The following SCEL variants were observed in gnomAD, a reference collection of about 807,000 sequenced individuals.
SCEL encodes sciellin.
Under a neutral mutation model 117.6 loss-of-function variants are expected in SCEL, and 113 were observed. The ratio of observed to expected loss-of-function variants is 0.96; its 90% CI spans 0.83 to 1.12. The LOEUF (loss-of-function observed/expected upper bound fraction) is 1.12, where lower values mean the gene tolerates loss of function less well. Among genes scored for constraint, SCEL ranks in the 50% most tolerant of loss-of-function variants. SCEL has a pLI of 0.00. For synonymous variants in SCEL, 270 were observed against 256.2 expected (o/e 1.05, Z -0.51); for missense variants, 785 against 810.8 (o/e 0.97, Z 0.39).
chr13:77,590,196 G>A (rs2086791907), intron 10 of SCEL, among the ~76,000 whole-genome samples: 1 of 152,028 alleles, frequency 6.6e-6, no homozygotes, highest in Non-Finnish European at 1.5e-5. Flanking sequence ...CAGTTACAAA[G>A]TTTTGACTGG....
chr13:77,610,285 T>C (rs1360560187), intron 22 of SCEL, among the ~76,000 whole-genome samples, 179 bp downstream of exon 22: 2 of 151,950 alleles, frequency 1.3e-5, no homozygotes, highest in African/African-American at 2.4e-5. Context: ...ACCCTGTCTC[T>C]ACTAAAAATA....
At chr13:77,643,167 T>G (rs1445797803) in intron 32 of SCEL, among the ~76,000 whole-genome samples, 2 of 152,164 alleles carry the variant, frequency 1.3e-5, no homozygotes, top group Non-Finnish European at 2.9e-5. Context: ...TATTGTATAA[T>G]TTTTAACTAA....
intron 9 of SCEL, among the ~76,000 whole-genome samples, chr13:77,586,514 C>T (rs1405275061): frequency 9.2e-5 from 14 of 152,108 alleles, no homozygotes; most frequent in Admixed American, 9.2e-4. Flanking sequence ...CCACAGCCCC[C>T]ATTGTAACCC....
At chr13:77,565,289 C>G (rs1455190373) in intron 5 of SCEL, among the ~76,000 whole-genome samples, 2 of 151,876 alleles carry the variant, frequency 1.3e-5, no homozygotes, top group African/African-American at 4.8e-5. Flanking sequence ...ACCCCTCACT[C>G]CCCAAATTCT....
At chr13:77,545,284 G>C (rs910469510) in intron 1 of SCEL, among the ~76,000 whole-genome samples, 1 of 152,194 alleles carries the variant, frequency 6.6e-6, no homozygotes, top group Non-Finnish European at 1.5e-5. Context: ...CCAGTTAGCT[G>C]AACTGAGGCT....
chr13:77,628,646 A>G (rs969863239), intron 28 of SCEL, among the ~76,000 whole-genome samples: 7 of 152,172 alleles, frequency 4.6e-5, no homozygotes, highest in African/African-American at 1.7e-4. Flanking sequence ...ATATGAGGGA[A>G]TACTAAACAC....
rs763023383 is a variant in SCEL, at chr13:77,627,925, A to G, written c.1629-22A>G. 250 of 1,003,508 alleles carry G rather than the reference A, an allele frequency of 2.5e-4. 3 individuals carry two copies. The highest frequency in any genetic ancestry group is 2.5e-5 in the Non-Finnish European group (17 of 672,932). 62.2% of individuals were successfully genotyped at this position (1,003,508 alleles called of 1,614,324 possible). A position where few individuals can be genotyped will look rare whatever the true frequency, so the allele number is the denominator to read the frequency against. On this transcript the variant is annotated intron_variant, in intron 27 of 32. Coordinates refer to ENST00000349847, the MANE Select transcript of SCEL (RefSeq NM_144777.3). ...CTATCATTATGTTGTAATTATTCAT[A>G]TATATATATTTTTTTCCTTAGAGAC...
chr13:77,644,368 C>A lies in SCEL; in HGVS notation c.*94C>A. The A allele has an allele frequency of 8.2e-7, 1 of 1,218,206 alleles. No homozygotes were observed. The highest frequency in any genetic ancestry group is 1.2e-6 in the Non-Finnish European group (1 of 839,836). 75.5% of individuals were successfully genotyped at this position (1,218,206 alleles called of 1,614,324 possible). A position where few individuals can be genotyped will look rare whatever the true frequency, so the allele number is the denominator to read the frequency against. ...AATATGTAATCTAGAAAAGCTTTCA[C>A]ATTGAAGATCAACTCTTGTACAAAA... On this transcript the variant is annotated 3_prime_UTR_variant, in exon 33 of 33. Transcript: ENST00000349847.
intron 15 of SCEL, 80 bp downstream of exon 15, chr13:77,599,828 A>G (rs1171403485): frequency 5.0e-6 from 5 of 994,186 alleles, no homozygotes; most frequent in African/African-American, 4.8e-5. Flanking sequence ...CCTGCTTAGT[A>G]CAAGGGTCAG....
intron 28 of SCEL, among the ~76,000 whole-genome samples, chr13:77,631,273 C>CA (rs1594179866): frequency 1.3e-5 from 2 of 152,104 alleles, no homozygotes; most frequent in East Asian, 1.9e-4. Context: ...TTCTAAATAA[C>CA]AAAAAATTAG....
At chr13:77,622,119 T>C (rs1255054158) in intron 27 of SCEL, among the ~76,000 whole-genome samples, 1 of 152,238 alleles carries the variant, frequency 6.6e-6, no homozygotes, top group Non-Finnish European at 1.5e-5. Flanking sequence ...ATATTCCTTT[T>C]GAACTAACGC....
At chr13:77,623,210 A>G (rs1214731370) in intron 27 of SCEL, among the ~76,000 whole-genome samples, 1 of 152,272 alleles carries the variant, frequency 6.6e-6, no homozygotes, top group Non-Finnish European at 1.5e-5. Context: ...TAACTTGGAA[A>G]GCTTATGAGC....
chr13:77,576,447 C>T (rs981016569), intron 9 of SCEL, among the ~76,000 whole-genome samples: 1 of 149,248 alleles, frequency 6.7e-6, no homozygotes, highest in Non-Finnish European at 1.5e-5. Flanking sequence ...AGTCCCTCTT[C>T]TCTTCTCCTC....
At chr13:77,590,561 G>A (rs1312922131) in intron 10 of SCEL, among the ~76,000 whole-genome samples, 2 of 151,906 alleles carry the variant, frequency 1.3e-5, no homozygotes, top group African/African-American at 2.4e-5. Context: ...TCTAAAATCA[G>A]CATCACTAGA....
intron 9 of SCEL, among the ~76,000 whole-genome samples, chr13:77,578,816 G>A (rs2086104677): frequency 6.6e-6 from 1 of 152,168 alleles, no homozygotes; most frequent in South Asian, 2.1e-4. Flanking sequence ...GGATATATTT[G>A]TAGCAGTGAT....
intron 9 of SCEL, among the ~76,000 whole-genome samples, chr13:77,585,125 A>T (rs1464325582): frequency 6.6e-6 from 1 of 152,194 alleles, no homozygotes; most frequent in Non-Finnish European, 1.5e-5. Context: ...TCAGCCAATC[A>T]CTTCCTCCTT....
At chr13:77,593,300 G>GCGCACGTC (rs374537294) in intron 11 of SCEL, among the ~76,000 whole-genome samples, 1 of 145,148 alleles carries the variant, frequency 6.9e-6, no homozygotes, top group Non-Finnish European at 1.5e-5. Context: ...GTGTGTGTCT[G>GCGCACGTC]TGTGTGTGTG....
At chr13:77,616,197 A>AT (rs907333965) in intron 24 of SCEL, among the ~76,000 whole-genome samples, 5 of 151,734 alleles carry the variant, frequency 3.3e-5, no homozygotes, top group Non-Finnish European at 5.9e-5. Context: ...GTTCTAGTGG[A>AT]TTTTTTTTAT....
At chr13:77,566,445 C>T (rs1450048502) in intron 5 of SCEL, among the ~76,000 whole-genome samples, 2 of 149,258 alleles carry the variant, frequency 1.3e-5, no homozygotes, top group African/African-American at 4.8e-5. Context: ...TATGAGATCC[C>T]ACCGTTGGCA....
Sources: allele counts gnomAD v4.1 joint callset (sites outside exome capture counted in the v4.1 genomes callset), GRCh38; gene constraint gnomAD v4.1.1; transcripts MANE v1.5; gene names NCBI Gene and HGNC (gene_info 2026-07-23, HGNC 2026-07-21).